NFXL1: variants seen among roughly 807,000 people sequenced by gnomAD.
NFXL1 encodes the protein nuclear transcription factor, X-box binding like 1.
NFXL1 carries 66 observed loss-of-function variants against 123.3 expected under a neutral mutation model. That is an observed-to-expected ratio of 0.54 (90% confidence interval 0.44 to 0.66). The LOEUF is 0.66. Ranked by LOEUF, NFXL1 falls within the 30% of genes least tolerant of loss-of-function variation. The pLI is 0.00. For synonymous variants in NFXL1, 346 were observed against 360.8 expected (o/e 0.96, Z 0.46); for missense variants, 944 against 1,125.6 (o/e 0.84, Z 2.31).
intron 18 of NFXL1, among the ~76,000 whole-genome samples, chr4:47,864,227 A>G (rs1043524076): frequency 7.2e-5 from 11 of 152,122 alleles, no homozygotes; most frequent in African/African-American, 1.7e-4. Context: ...TTCAAGTTCT[A>G]TATCTTTTAC....
At chr4:47,898,222 A>AGG (rs1394018457) in intron 8 of NFXL1, 141 bp from the exon 9 acceptor site, 3 of 597,946 alleles carry the variant, frequency 5.0e-6, no homozygotes, top group Non-Finnish European at 8.9e-6. Flanking sequence ...TATTTTATAC[A>AGG]GGTGTCATAC....
Position 47,885,528 on chromosome 4 carries a change from A to G in NFXL1, c.1794T>C (p.His598=). ...KCGHLCPAPC[H]DQALIKQTGR... ...CAGTCTGCTTTATTAATGCTTGATCATGACACGGAGCAGGACACAAGTGAC... is the reference window on the plus strand; with the variant it reads ...CAGTCTGCTTTATTAATGCTTGATCGTGACACGGAGCAGGACACAAGTGAC... Residue 598 remains histidine, a synonymous_variant, in exon 14 of 23, where the codon CAT becomes CAC. Coordinates refer to ENST00000507489, the MANE Select transcript of NFXL1 (RefSeq NM_001278624.2). The G allele has an allele frequency of 6.2e-7, 1 of 1,613,604 alleles. No individual in the cohort carries two copies. The highest frequency in any genetic ancestry group is 8.5e-7 in the Non-Finnish European group (1 of 1,179,520).
chr4:47,907,634 A>C (rs774830871), intron 3 of NFXL1, among the ~76,000 whole-genome samples: 8 of 152,240 alleles, frequency 5.3e-5, no homozygotes, highest in African/African-American at 7.2e-5. Flanking sequence ...ACATTGGTAG[A>C]GGCAAAGGAA....
intron 9 of NFXL1, 60 bp downstream of exon 9, chr4:47,897,907 T>A: frequency 5.7e-6 from 6 of 1,054,876 alleles, no homozygotes; most frequent in Non-Finnish European, 8.3e-6. Context: ...GTCTTTTGAA[T>A]GTCTTTTCAT....
intron 18 of NFXL1, among the ~76,000 whole-genome samples, chr4:47,869,942 A>C (rs185208758): frequency 3.1e-4 from 47 of 152,240 alleles, no homozygotes; most frequent in South Asian, 6.2e-4. Context: ...TTAAATACAA[A>C]TAAATTTGAA....
In NFXL1 at chr4:47,905,230, AACTT is replaced by A. The variant is rs775439563; in HGVS notation, c.516+3_516+6del. On this transcript the variant is annotated splice_donor_5th_base_variant and intron_variant, in intron 4 of 22. Transcript: ENST00000507489. ...ATACATTAATATAAATAAGGAGAAA[AACTT>A]ACTGCTTGGTTTCTCTTCACCGAAG... 1 of 1,328,018 alleles carries A rather than the reference AACTT, an allele frequency of 7.5e-7. No homozygotes were observed. The highest frequency in any genetic ancestry group is 1.8e-5 in the Admixed American group (1 of 56,464). The allele number at this position is 1,328,018 out of a possible 1,614,324, so 82.3% of individuals were successfully genotyped here. A position where few individuals can be genotyped will look rare whatever the true frequency, so the allele number is the denominator to read the frequency against.
At chr4:47,913,594 A>G (rs1737952447) in intron 2 of NFXL1, among the ~76,000 whole-genome samples, 1 of 152,210 alleles carries the variant, frequency 6.6e-6, no homozygotes, top group South Asian at 2.1e-4. Context: ...TGTTAACCAG[A>G]TTTTTAAAAA....
chr4:47,856,056 T>C (rs1296769155), intron 19 of NFXL1, among the ~76,000 whole-genome samples: 1 of 152,082 alleles, frequency 6.6e-6, no homozygotes, highest in African/African-American at 2.4e-5. Context: ...AAAAAACAAT[T>C]TTTTTTAGGC....
At chr4:47,864,592 C>A (rs1047293763) in intron 18 of NFXL1, among the ~76,000 whole-genome samples, 1 of 152,208 alleles carries the variant, frequency 6.6e-6, no homozygotes, top group African/African-American at 2.4e-5. Context: ...AGATCACACC[C>A]TCTGTCCAGT....
intron 2 of NFXL1, among the ~76,000 whole-genome samples, chr4:47,911,968 A>G (rs994165940): frequency 6.6e-6 from 1 of 152,224 alleles, no homozygotes; most frequent in Non-Finnish European, 1.5e-5. Context: ...CTATTTTAAA[A>G]TTAACATTAT....
chr4:47,904,084 G>A (rs989061055), intron 4 of NFXL1, among the ~76,000 whole-genome samples: 5 of 152,258 alleles, frequency 3.3e-5, no homozygotes, highest in East Asian at 1.9e-4. Flanking sequence ...CCCCCAAAGC[G>A]GTATCTAAGA....
intron 21 of NFXL1, 146 bp from the exon 22 acceptor site, chr4:47,851,294 G>A (rs1489576227): frequency 1.6e-6 from 1 of 634,608 alleles, no homozygotes; most frequent in Non-Finnish European, 2.8e-6. Context: ...GCTATACTGA[G>A]ACAAGGTTTT....
At chr4:47,896,713 T>C (rs977803938) in intron 9 of NFXL1, 66 bp from the exon 10 acceptor site, 30 of 1,129,410 alleles carry the variant, frequency 2.7e-5, no homozygotes, top group Non-Finnish European at 3.5e-5. Flanking sequence ...CAAAGTGCCA[T>C]GTTCTTCAGG....
At chr4:47,865,898 C>A (rs764554940) in intron 18 of NFXL1, among the ~76,000 whole-genome samples, 3 of 152,126 alleles carry the variant, frequency 2.0e-5, no homozygotes, top group Non-Finnish European at 4.4e-5. Flanking sequence ...CACCTGTAGT[C>A]CCAGCTACTA....
At chr4:47,886,855 C>G (rs924940649) in intron 12 of NFXL1, among the ~76,000 whole-genome samples, 2 of 152,300 alleles carry the variant, frequency 1.3e-5, no homozygotes, top group East Asian at 3.9e-4. Flanking sequence ...CGTTGGCCTA[C>G]TTTCATACAT....
intron 12 of NFXL1, among the ~76,000 whole-genome samples, chr4:47,889,625 AGG>A (rs1560597009): frequency 6.6e-6 from 1 of 152,216 alleles, no homozygotes. Flanking sequence ...GGCAGAGTCT[AGG>A]CTTAAATCCA....
chr4:47,849,146 G>C (rs1198384174), intron 22 of NFXL1, among the ~76,000 whole-genome samples: 1 of 152,034 alleles, frequency 6.6e-6, no homozygotes, highest in East Asian at 1.9e-4. Flanking sequence ...AGAGAAAAAA[G>C]CTGCCAGAAC....
chr4:47,852,264 A>C lies in NFXL1; in HGVS notation c.2422-322T>G, dbSNP rs369420300. 2.4e-3 allele frequency: 592 copies of C among 250,650 alleles called. 9 individuals carry two copies. Among genetic ancestry groups the C allele is most frequent in the South Asian group, 0.019 (368 of 19,352 alleles). The allele number at this position is 250,650 out of a possible 1,614,324, so 15.5% of individuals were successfully genotyped here. A position where few individuals can be genotyped will look rare whatever the true frequency, so the allele number is the denominator to read the frequency against. On this transcript the variant is annotated intron_variant, in intron 20 of 22. Coordinates refer to ENST00000507489, the MANE Select transcript of NFXL1 (RefSeq NM_001278624.2). Reference sequence around the variant, plus strand: ...TGTTTGTTATTCTTGCAAAGTGTCCAGGGAATACAATGTTCTACAAATGTG... The same window carrying C: ...TGTTTGTTATTCTTGCAAAGTGTCCCGGGAATACAATGTTCTACAAATGTG...
At chr4:47,882,092 C>G (rs1736146810) in intron 15 of NFXL1, 1 of 152,158 alleles carries the variant, frequency 6.6e-6, no homozygotes, top group Admixed American at 6.5e-5. Context: ...AATTGTATCA[C>G]TAATGAAAGT....
Sources: allele counts gnomAD v4.1 joint callset (sites outside exome capture counted in the v4.1 genomes callset), GRCh38; gene constraint gnomAD v4.1.1; transcripts MANE v1.5; gene names NCBI Gene and HGNC (gene_info 2026-07-23, HGNC 2026-07-21).